The following GPM6B variants were observed in gnomAD, a reference collection of about 807,000 sequenced individuals.
The protein encoded by GPM6B is glycoprotein M6B.
In GPM6B, 4 loss-of-function variants were observed where a neutral mutation model predicts 27.2. The ratio of observed to expected loss-of-function variants is 0.15; its 90% CI spans 0.07 to 0.34. The LOEUF (loss-of-function observed/expected upper bound fraction) is 0.34. Among genes scored for constraint, GPM6B ranks in the 10% least tolerant of loss-of-function variants. The probability of loss-of-function intolerance (pLI) is 1.00; values close to 1 mark genes in which losing one functional copy is unlikely to be tolerated. For missense variants in GPM6B, 183 were observed against 261.9 expected, an observed-to-expected ratio of 0.70 and a Z score of 2.08; for synonymous variants, 124 against 103.1, an observed-to-expected ratio of 1.20 and a Z score of -1.23.
chrX:13,920,531 A>G (rs992957593), intron 1 of GPM6B, among the ~76,000 whole-genome samples: 1 of 111,139 alleles, frequency 9.0e-6, no homozygotes, highest in Admixed American at 9.6e-5. Context: ...CGATACGTAA[A>G]CCAGCCATTG....
At chrX:13,921,160 T>C (rs1426815786) in intron 1 of GPM6B, among the ~76,000 whole-genome samples, 2 of 112,267 alleles carry the variant, frequency 1.8e-5, no homozygotes, top group Non-Finnish European at 3.8e-5. Flanking sequence ...TCAGCAATAG[T>C]AATGAATGAA....
At chrX:13,872,581 G>A (rs1415784967) in intron 1 of GPM6B, among the ~76,000 whole-genome samples, 1 of 110,601 alleles carries the variant, frequency 9.0e-6, no homozygotes, top group Admixed American at 9.6e-5. Context: ...CTAGGCTGAG[G>A]GTGAAAGAGA....
At chrX:13,776,718 A>G (rs1285794779) in intron 6 of GPM6B, among the ~76,000 whole-genome samples, 1 of 112,560 alleles carries the variant, frequency 8.9e-6, no homozygotes, top group Non-Finnish European at 1.9e-5. Flanking sequence ...TTTCTTAAAT[A>G]TACAAGCACC....
chrX:13,842,465 C>A (rs1251391663), intron 1 of GPM6B, among the ~76,000 whole-genome samples: 1 of 111,548 alleles, frequency 9.0e-6, no homozygotes, highest in Non-Finnish European at 1.9e-5. Flanking sequence ...TTCTCAATTT[C>A]CCCCTGTGGT....
At chrX:13,871,114 C>CA (rs372420351) in intron 1 of GPM6B, among the ~76,000 whole-genome samples, 13 of 95,126 alleles carry the variant, frequency 1.4e-4, no homozygotes, top group African/African-American at 4.2e-4. Flanking sequence ...CAAAACAAAA[C>CA]AAAAAAAAAA....
chrX:13,933,419 C>T (rs1921674633), intron 1 of GPM6B, among the ~76,000 whole-genome samples: 1 of 111,776 alleles, frequency 8.9e-6, no homozygotes, highest in Non-Finnish European at 1.9e-5. Flanking sequence ...TTTTTCTAAA[C>T]CATACTGATC....
intron 1 of GPM6B, among the ~76,000 whole-genome samples, chrX:13,836,096 C>T (rs902891374): frequency 8.9e-6 from 1 of 111,882 alleles, no homozygotes; most frequent in African/African-American, 3.2e-5. Context: ...ATGTGTTAAA[C>T]GTTTTGTGAC....
At chrX:13,915,038 C>T (rs2050414471) in intron 1 of GPM6B, among the ~76,000 whole-genome samples, 1 of 110,699 alleles carries the variant, frequency 9.0e-6, no homozygotes, top group Admixed American at 9.6e-5. Flanking sequence ...GAGGCCAAGA[C>T]AGGAGGATCA....
intron 1 of GPM6B, among the ~76,000 whole-genome samples, chrX:13,814,979 A>C (rs1043698745): frequency 1.1e-4 from 12 of 112,112 alleles, no homozygotes; most frequent in Admixed American, 1.9e-4. Context: ...TTTTGCTTCT[A>C]ATTTTGTCTC....
At chrX:13,908,253 C>G (rs978283643) in intron 1 of GPM6B, among the ~76,000 whole-genome samples, 2 of 111,605 alleles carry the variant, frequency 1.8e-5, no homozygotes, top group African/African-American at 6.5e-5. Flanking sequence ...AGATGCCCCC[C>G]TTAACCAAAT....
At chrX:13,885,514 C>T (rs945274714) in intron 1 of GPM6B, among the ~76,000 whole-genome samples, 1 of 111,760 alleles carries the variant, frequency 8.9e-6, no homozygotes, top group Non-Finnish European at 1.9e-5. Flanking sequence ...TTGGGGTGAG[C>T]GGGCCAGGAC....
chrX:13,790,083 G>A (rs1195572089), intron 2 of GPM6B, among the ~76,000 whole-genome samples: 1 of 111,723 alleles, frequency 9.0e-6, no homozygotes, highest in Non-Finnish European at 1.9e-5. Context: ...CAAACTCTTG[G>A]GCTCAAGTGA....
upstream of GPM6B, chrX:13,938,483 C>G: frequency 1.1e-6 from 1 of 938,871 alleles, no homozygotes; most frequent in Non-Finnish European, 1.3e-6. Flanking sequence ...GTGGCCGTGG[C>G]GCGCAGCCAG....
chrX:13,894,105 A>G (rs1440575009), intron 1 of GPM6B, among the ~76,000 whole-genome samples: 1 of 111,981 alleles, frequency 8.9e-6, no homozygotes, highest in Admixed American at 9.4e-5. Flanking sequence ...GTCACTTGGG[A>G]AAAGGTTGTC....
intron 2 of GPM6B, among the ~76,000 whole-genome samples, chrX:13,804,966 C>G (rs981718729): frequency 5.4e-5 from 6 of 111,018 alleles, no homozygotes; most frequent in Non-Finnish European, 1.1e-4. Flanking sequence ...TAGAGTGGGT[C>G]CCTTCACTCT....
Position 13,885,164 on chromosome X carries a change from C to T in GPM6B, c.-198+53163G>A, listed in dbSNP as rs1012340237. On this transcript the variant is annotated intron_variant, in intron 1 of 6. Coordinates refer to the GPM6B transcript ENST00000398361. Reference sequence around the variant, plus strand: ...ACCACTTTTCTTACAAAGTCCTAAACTGTGCATAAGTAAAATTATCAAGTA... The same window carrying T: ...ACCACTTTTCTTACAAAGTCCTAAATTGTGCATAAGTAAAATTATCAAGTA... 2.7e-5 allele frequency among the ~76,000 whole-genome samples: 3 copies of T among 112,002 alleles called. No homozygotes were observed. The Admixed American group carries it at 2.8e-4, about 11-fold the overall frequency.
intron 1 of GPM6B, among the ~76,000 whole-genome samples, chrX:13,859,526 C>T (rs1349670269): frequency 9.0e-6 from 1 of 110,828 alleles, no homozygotes; most frequent in Non-Finnish European, 1.9e-5. Context: ...AATCATGCTG[C>T]CATGAAGTCT....
At chrX:13,907,297 G>A (rs2050339547) in intron 1 of GPM6B, among the ~76,000 whole-genome samples, 1 of 112,196 alleles carries the variant, frequency 8.9e-6, no homozygotes, top group South Asian at 3.7e-4. Context: ...ACTGTGGCTT[G>A]GAAAAGCTAA....
chrX:13,877,824 C>CAAA (rs761891419), intron 1 of GPM6B, among the ~76,000 whole-genome samples: 1,616 of 27,407 alleles, frequency 0.059, 353 homozygotes, highest in East Asian at 0.16. Context: ...CAGACTCTGC[C>CAAA]AAAAAAAAAA....
Sources: gnomAD v4.1 joint callset for allele counts (sites outside exome capture counted in the v4.1 genomes callset) on GRCh38, gnomAD v4.1.1 for gene constraint, MANE v1.5 for transcripts, NCBI Gene and HGNC (gene_info 2026-07-23, HGNC 2026-07-21) for gene names.